CHRNA6: variants seen among roughly 807,000 people sequenced by gnomAD.
CHRNA6 encodes cholinergic receptor nicotinic alpha 6 subunit.
CHRNA6 carries 31 observed loss-of-function variants against 40.9 expected under a neutral mutation model. That is an observed-to-expected ratio of 0.76 (90% confidence interval 0.57 to 1.02). The LOEUF is 1.02. Among genes scored for constraint, CHRNA6 ranks in the 50% least tolerant of loss-of-function variants. The probability of loss-of-function intolerance (pLI) is 0.00; values close to 1 mark genes in which losing one functional copy is unlikely to be tolerated. For synonymous variants in CHRNA6, 222 were observed against 221.3 expected (o/e 1.00, Z -0.03); for missense variants, 546 against 596.6 (o/e 0.92, Z 0.88).
chr8:42,758,862 CT>C (rs1208407305), intron 3 of CHRNA6, among the ~76,000 whole-genome samples: 1 of 152,114 alleles, frequency 6.6e-6, no homozygotes, highest in Admixed American at 6.6e-5. Flanking sequence ...ATGGAAACCT[CT>C]ATGTCAGAGG....
In CHRNA6 at chr8:42,755,906, A is replaced by G; in HGVS notation, c.1293T>C (p.Asp431=). Reference sequence around the variant, plus strand: ...CTATGAACTGAACACTGTTAATCACATCTTCAACTTCAGGCGAGTGCTCCG... The same window carrying G: ...CTATGAACTGAACACTGTTAATCACGTCTTCAACTTCAGGCGAGTGCTCCG... ...ENSEHSPEVE[D]VINSVQFIAE... The change falls in exon 5 of 6, where the codon GAT becomes GAC. Residue 431 remains aspartate, a synonymous_variant. Transcript: ENST00000276410. 1 of 1,614,212 alleles carries G rather than the reference A, an allele frequency of 6.2e-7. No homozygotes were observed. The highest frequency in any genetic ancestry group is 8.5e-7 in the Non-Finnish European group (1 of 1,180,034).
chr8:42,756,669 C>G lies in CHRNA6; in HGVS notation c.530G>C (p.Gly177Ala). ...TTCAGCTTTGTCATACGTCCAGGAACCAAATTTTAGGGAACAGTTTTGATG... is the reference window on the plus strand; with the variant it reads ...TTCAGCTTTGTCATACGTCCAGGAAGCAAATTTTAGGGAACAGTTTTGATG... ...FDHQNCSLKF[G>A]SWTYDKAEID... The change falls in exon 5 of 6, where the codon GGT (glycine) becomes GCT (alanine). Residue 177 changes from glycine to alanine, a missense_variant. Physicochemically the swap from Gly to Ala is moderately conservative, Grantham distance 60. Coordinates refer to ENST00000276410, the MANE Select transcript of CHRNA6 (RefSeq NM_004198.3). The G allele has an allele frequency of 6.2e-7, 1 of 1,614,080 alleles. No homozygotes were observed. Among genetic ancestry groups the G allele is most frequent in the Non-Finnish European group, 8.5e-7 (1 of 1,180,018 alleles).
At chr8:42,763,614 C>A (rs867197959) in intron 2 of CHRNA6, among the ~76,000 whole-genome samples, 1 of 152,124 alleles carries the variant, frequency 6.6e-6, no homozygotes, top group Non-Finnish European at 1.5e-5. Context: ...TCACAACAAC[C>A]CAGTCCACAG....
rs138339131 is a variant in CHRNA6, at chr8:42,756,468, G to A, written c.731C>T (p.Thr244Met). 67 of 1,614,128 alleles carry A rather than the reference G, an allele frequency of 4.2e-5. No individual in the cohort carries two copies. The highest frequency in any genetic ancestry group is 3.0e-4 in the Admixed American group (18 of 60,024). The change falls in exon 5 of 6, where the codon ACG (threonine) becomes ATG (methionine). Residue 244 changes from threonine (T) to methionine (M), a missense_variant. Around this residue, in one of 3 missense-constraint regions of CHRNA6, gnomAD observed 476 missense variants for 494.5 expected, o/e 0.96. Coordinates refer to ENST00000276410, the MANE Select transcript of CHRNA6 (RefSeq NM_004198.3). ...GAGACAAGGGATGATCAGATTAATC[G>A]TGTAAAACATCGGCAATCTTCTAAT... ...FYIRRLPMFY[T>M]INLIIPCLFI...
At chr8:42,754,972 T>C (rs1288871378) in intron 5 of CHRNA6, among the ~76,000 whole-genome samples, 1 of 151,926 alleles carries the variant, frequency 6.6e-6, no homozygotes, top group Non-Finnish European at 1.5e-5. Context: ...TCCGAACTCA[T>C]TTCTCCTTCC....
At chr8:42,759,010 G>A in intron 3 of CHRNA6, 59 bp downstream of exon 3, 1 of 1,250,030 alleles carries the variant, frequency 8.0e-7, no homozygotes, top group East Asian at 2.3e-5. Flanking sequence ...GAACAAGGTA[G>A]TGCTTGTGGG....
chr8:42,754,467 C>A (rs966838432), intron 5 of CHRNA6, among the ~76,000 whole-genome samples: 1 of 152,144 alleles, frequency 6.6e-6, no homozygotes, highest in Admixed American at 6.5e-5. Flanking sequence ...TGCCACCATG[C>A]CCTACTAATT....
intron 2 of CHRNA6, among the ~76,000 whole-genome samples, chr8:42,763,731 G>T (rs1172049089): frequency 6.6e-6 from 1 of 152,216 alleles, no homozygotes; most frequent in Non-Finnish European, 1.5e-5. Context: ...GGATGGGAGA[G>T]CGCATCCAGG....
At chr8:42,760,518 A>G (rs890910755) in intron 2 of CHRNA6, among the ~76,000 whole-genome samples, 4 of 151,762 alleles carry the variant, frequency 2.6e-5, no homozygotes, top group African/African-American at 9.7e-5. Context: ...GCACATGCAC[A>G]CGCTCATGCA....
At chr8:42,765,301 T>G in intron 1 of CHRNA6, 97 bp from the exon 2 acceptor site, 1 of 1,363,792 alleles carries the variant, frequency 7.3e-7, no homozygotes. Flanking sequence ...GGGGAGCGAA[T>G]GTCCCAGCCC....
rs1345491670 is a variant in CHRNA6, at chr8:42,753,087, G to T, written c.*92C>A. On this transcript the variant is annotated 3_prime_UTR_variant, in exon 6 of 6. Transcript: ENST00000276410. ...ATCAGTTTTAGCAGATGGGGGACTT[G>T]GGTGGGAAGCCTTTGCTTTCCTTTC... is the stretch of plus-strand genomic sequence containing the variant. 6 of 1,230,458 alleles carry T rather than the reference G, an allele frequency of 4.9e-6. No homozygotes were observed. The highest frequency in any genetic ancestry group is 4.8e-5 in the Admixed American group (2 of 41,692). The allele number at this position is 1,230,458 out of a possible 1,614,324, so 76.2% of individuals were successfully genotyped here. A position where few individuals can be genotyped will look rare whatever the true frequency, so the allele number is the denominator to read the frequency against.
rs778578382 is a variant in CHRNA6 at position 42,756,584 on chromosome 8, T to C, written c.615A>G (p.Glu205=). The C allele has an allele frequency of 6.2e-7, 1 of 1,614,150 alleles. No individual in the cohort carries two copies. The highest frequency in any genetic ancestry group is 2.2e-5 in the East Asian group (1 of 44,882). The change falls in exon 5 of 6, where the codon GAA becomes GAG. Residue 205 remains glutamate, a synonymous_variant. Transcript: ENST00000276410. ...AGCCAGAGGCATCAATGATTTCCCA[T>C]TCACTGTTTTCCCAAAAATCATTCA... ...VDMNDFWENS[E]WEIIDASGYK... is the part of the protein sequence containing the mutation.
rs1413100352 is a variant in CHRNA6 at position 42,755,939 on chromosome 8, C to T, written c.1260G>A (p.Val420=). The T allele has an allele frequency of 6.2e-7, 1 of 1,614,246 alleles. No homozygotes were observed. The highest frequency in any genetic ancestry group is 2.2e-5 in the East Asian group (1 of 44,892). ...RLSHQPLQWV[V]ENSEHSPEVE... ...CTTCAGGCGAGTGCTCCGAATTTTC[C>T]ACCACCCACTGTAATGGCTGATGAC... The change falls in exon 5 of 6, where the codon GTG becomes GTA. Residue 420 remains valine (V), a synonymous_variant. Transcript: ENST00000276410.
At chr8:42,755,715 G>T in intron 5 of CHRNA6, 131 bp downstream of exon 5, 1 of 1,035,146 alleles carries the variant, frequency 9.7e-7, no homozygotes, top group Non-Finnish European at 1.4e-6. Flanking sequence ...TAATAACAGA[G>T]CCAGGTCTCA....
chr8:42,760,029 A>G (rs1255211147), intron 2 of CHRNA6, among the ~76,000 whole-genome samples: 1 of 152,200 alleles, frequency 6.6e-6, no homozygotes, highest in Non-Finnish European at 1.5e-5. Flanking sequence ...TATGTGCTCT[A>G]TAAATATTGG....
Position 42,758,978 on chromosome 8 carries a change from A to G in CHRNA6, c.264+91T>C. The stretch of plus-strand genomic sequence containing the variant: ...GATGACCTAGTGGATAATATTTTAT[A>G]TTCTATAACCAGTTGGAGATGGAAC... On this transcript the variant is annotated intron_variant, in intron 3 of 5. Coordinates refer to ENST00000276410, the MANE Select transcript of CHRNA6 (RefSeq NM_004198.3). 8 of 1,005,906 alleles carry G rather than the reference A, an allele frequency of 8.0e-6. No homozygotes were observed. In the Middle Eastern group the frequency reaches 1.0e-3, roughly 130 times the overall value. 62.3% of individuals were successfully genotyped at this position (1,005,906 alleles called of 1,614,324 possible).
intron 2 of CHRNA6, among the ~76,000 whole-genome samples, chr8:42,763,071 T>G (rs1476477632): frequency 6.6e-6 from 1 of 152,224 alleles, no homozygotes; most frequent in African/African-American, 2.4e-5. Flanking sequence ...CTTTGCTCTT[T>G]TTCTCCCTTC....
intron 5 of CHRNA6, among the ~76,000 whole-genome samples, chr8:42,754,242 C>T (rs552145027): frequency 3.9e-5 from 6 of 152,138 alleles, no homozygotes; most frequent in South Asian, 4.2e-4. Flanking sequence ...TGCAGTGGTG[C>T]GATTGTGGCT....
rs138925441 is a variant in CHRNA6 at position 42,758,589 on chromosome 8, C to G, written c.264+480G>C. 7.3e-3 allele frequency among the ~76,000 whole-genome samples: 1,117 copies of G among 152,262 alleles called. 16 individuals are homozygous for G. The highest frequency in any genetic ancestry group is 0.026 in the African/African-American group (1,079 of 41,544). ...ATGTTGGCCAAGTTGGTCTCGAACTCCTGACCTCAGGTGATCCGCCCACCT... is the reference window on the plus strand; with the variant it reads ...ATGTTGGCCAAGTTGGTCTCGAACTGCTGACCTCAGGTGATCCGCCCACCT... On this transcript the variant is annotated intron_variant, in intron 3 of 5. Coordinates refer to ENST00000276410, the MANE Select transcript of CHRNA6 (RefSeq NM_004198.3).
Sources: gnomAD v4.1 joint callset for allele counts (sites outside exome capture counted in the v4.1 genomes callset) on GRCh38, gnomAD v4.1.1 for gene constraint, gnomAD v4.1.1 regional missense constraint, MANE v1.5 for transcripts, NCBI Gene and HGNC (gene_info 2026-07-23, HGNC 2026-07-21) for gene names.